ZNF614: variants seen among roughly 807,000 people sequenced by gnomAD.
ZNF614 encodes zinc finger protein 614.
A neutral mutation model predicts 12.8 loss-of-function variants in ZNF614; 11 were observed. That is an observed-to-expected ratio of 0.86 (90% confidence interval 0.54 to 1.43). The LOEUF (loss-of-function observed/expected upper bound fraction) is 1.43, where lower values mean the gene tolerates loss of function less well. ZNF614 is among the 40% of genes most tolerant of loss of function. The probability of loss-of-function intolerance (pLI) is 0.00; values close to 1 mark genes in which losing one functional copy is unlikely to be tolerated. For synonymous variants in ZNF614, 237 were observed against 237.5 expected (o/e 1.00, Z 0.02); for missense variants, 664 against 708.8 (o/e 0.94, Z 0.72).
At chr19:52,025,073 C>T (rs2086962528) in intron 2 of ZNF614, among the ~76,000 whole-genome samples, 1 of 152,154 alleles carries the variant, frequency 6.6e-6, no homozygotes, top group South Asian at 2.1e-4. Flanking sequence ...TGCGCCACTG[C>T]ACTCCAGCCT....
intron 2 of ZNF614, 124 bp from the exon 3 acceptor site, chr19:52,018,618 TG>T: frequency 9.8e-7 from 1 of 1,021,282 alleles, no homozygotes; most frequent in South Asian, 1.9e-5. Flanking sequence ...AAATATACTT[TG>T]GTAGGAGCAA....
rs759732164 is a variant in ZNF614, at chr19:52,015,810, G to A, written c.*30C>T. 12 of 1,556,316 alleles carry A rather than the reference G, an allele frequency of 7.7e-6. No individual in the cohort carries two copies. Among genetic ancestry groups the A allele is most frequent in the African/African-American group, 4.1e-5 (3 of 72,734 alleles). On this transcript the variant is annotated 3_prime_UTR_variant, in exon 5 of 5. Coordinates refer to ENST00000270649, the MANE Select transcript of ZNF614 (RefSeq NM_025040.4). The stretch of plus-strand genomic sequence containing the variant: ...CCACAAAAGGCATTTCCATAGTCAC[G>A]GCACTAGTAGGGTTTTCTTCTGCAT...
At chr19:52,018,567 A>T (rs1056712817) in intron 2 of ZNF614, 73 bp from the exon 3 acceptor site, 16 of 1,459,746 alleles carry the variant, frequency 1.1e-5, no homozygotes, top group Middle Eastern at 2.0e-4. Flanking sequence ...ATAATTTTTT[A>T]AAAATTTTCA....
rs1212678556 is a variant in ZNF614, at chr19:52,016,935, A to G, written c.663T>C (p.Ile221=). 2 of 1,613,780 alleles carry G rather than the reference A, an allele frequency of 1.2e-6. No homozygotes were observed. The highest frequency in any genetic ancestry group is 1.7e-6 in the Non-Finnish European group (2 of 1,180,022). Residue 221 remains isoleucine (I), a synonymous_variant, in exon 5 of 5, where the codon ATT becomes ATC. Coordinates refer to ENST00000270649, the MANE Select transcript of ZNF614 (RefSeq NM_025040.4). ...EQTFLRKSQL[I]YHENICIQEN... ...CTTGTATACAAATGTTCTCATGGTA[A>G]ATGAGCTGAGACTTCCTAAGGAAGG...
At chr19:52,024,432 T>C (rs983044768) in intron 2 of ZNF614, among the ~76,000 whole-genome samples, 4 of 152,070 alleles carry the variant, frequency 2.6e-5, no homozygotes, top group African/African-American at 9.7e-5. Context: ...CTAATAGGTA[T>C]GGAGAATTGA....
rs2086914989 is a variant in ZNF614 at position 52,018,494 on chromosome 19, C to T, written c.16G>A (p.Glu6Lys). 1 of 1,613,954 alleles carries T rather than the reference C, an allele frequency of 6.2e-7. No individual in the cohort carries two copies. Among genetic ancestry groups the T allele is most frequent in the African/African-American group, 1.3e-5 (1 of 75,036 alleles). ...GCCACATCCTCCAGGGTCAGTGATT[C>T]CTGTAATTACAAAGTCCTATTCAAT... The part of the protein sequence containing the change: MIKTQ[E>K]SLTLEDVAVE... The change falls in exon 3 of 5, where the codon GAA (glutamate) becomes AAA (lysine). Residue 6 changes from glutamate to lysine, a missense_variant and splice_region_variant. Glu to Lys is a moderately conservative substitution (Grantham distance 56). Transcript: ENST00000270649.
rs1487856446 is a variant in ZNF614 at position 52,017,127 on chromosome 19, C to G, written c.471G>C (p.Glu157Asp). The G allele has an allele frequency of 1.2e-6, 2 of 1,614,068 alleles. No homozygotes were observed. Among genetic ancestry groups the G allele is most frequent in the Non-Finnish European group, 8.5e-7 (1 of 1,180,026 alleles). Residue 157 changes from glutamate to aspartate, a missense_variant, in exon 5 of 5, where the codon GAG becomes GAC. By Grantham distance (45) the Glu-to-Asp change is conservative. Transcript: ENST00000270649. The stretch of plus-strand genomic sequence containing the variant: ...GAAGTGTTTTCTCACCTCCAATAAA[C>G]TCAACAGGGTTATTTATTCCATGTC... ...KRRHGINNPV[E>D]FIGGEKTLLH...
At chr19:52,018,265 T>C in intron 3 of ZNF614, 103 bp downstream of exon 3, 1 of 1,578,472 alleles carries the variant, frequency 6.3e-7, no homozygotes, top group Non-Finnish European at 8.7e-7. Flanking sequence ...AAAATGTAAC[T>C]CTTCCAAACA....
chr19:52,018,185 G>A, intron 3 of ZNF614, 82 bp from the exon 4 acceptor site: 3 of 1,467,338 alleles, frequency 2.0e-6, no homozygotes, highest in Admixed American at 1.7e-5. Flanking sequence ...ATTCGATGAA[G>A]AAAACAATTT....
At chr19:52,019,531 A>T (rs996132244) in intron 2 of ZNF614, among the ~76,000 whole-genome samples, 4 of 152,206 alleles carry the variant, frequency 2.6e-5, no homozygotes, top group Non-Finnish European at 5.9e-5. Context: ...ACTACCATAC[A>T]TCAAATGCAA....
chr19:52,016,706 T>C lies in ZNF614; in HGVS notation c.892A>G (p.Met298Val). Residue 298 changes from methionine (M) to valine (V), a missense_variant, in exon 5 of 5, where the codon ATG (methionine) becomes GTG (valine). Transcript: ENST00000270649. Reference sequence around the variant, plus strand: ...TGATGAGCAATTAGATAGCGCTTCATTGTAAAGCCCTTTCCACACTCACTG... The same window carrying C: ...TGATGAGCAATTAGATAGCGCTTCACTGTAAAGCCCTTTCCACACTCACTG... ...MCSECGKGFT[M>V]KRYLIAHQRT... 1 of 1,614,174 alleles carries C rather than the reference T, an allele frequency of 6.2e-7. No individual in the cohort carries two copies. Among genetic ancestry groups the C allele is most frequent in the South Asian group, 1.1e-5 (1 of 91,086 alleles).
chr19:52,016,945 G>A lies in ZNF614; in HGVS notation c.653C>T (p.Ser218Phe), dbSNP rs2086902363. The change falls in exon 5 of 5, where the codon TCT becomes TTT. Residue 218 changes from serine to phenylalanine, a missense_variant. Physicochemically the swap from Ser to Phe is radical, Grantham distance 155. Transcript: ENST00000270649. ...AATGTTCTCATGGTAAATGAGCTGA[G>A]ACTTCCTAAGGAAGGTTTGCTCACA... ...IECEQTFLRKSQLIYHENICI... is the reference protein window; with the variant it reads ...IECEQTFLRKFQLIYHENICI... 2.5e-6 allele frequency: 4 copies of A among 1,613,682 alleles called. No individual in the cohort carries two copies. Among genetic ancestry groups the A allele is most frequent in the African/African-American group, 2.7e-5 (2 of 74,626 alleles).
intron 2 of ZNF614, among the ~76,000 whole-genome samples, chr19:52,021,587 C>T (rs1220807502): frequency 6.6e-6 from 1 of 151,780 alleles, no homozygotes; most frequent in African/African-American, 2.4e-5. Context: ...CTACAAAGAA[C>T]AAAAAATTAG....
At chr19:52,017,857 G>C (rs73052087) in intron 4 of ZNF614, 151 bp downstream of exon 4, 59,680 of 580,216 alleles carry the variant, frequency 0.1, 4,070 homozygotes, top group South Asian at 0.23. Flanking sequence ...AGTCTTTAAA[G>C]CTATAACAGC....
chr19:52,015,575 TAATA>T lies in ZNF614; in HGVS notation c.*261_*264del, dbSNP rs1159689405. On this transcript the variant is annotated 3_prime_UTR_variant, in exon 5 of 5. Coordinates refer to ENST00000270649, the MANE Select transcript of ZNF614 (RefSeq NM_025040.4). ...ATTATTGCTCAAAACATCTCCACAT[TAATA>T]TAGTTTATTCAACGTATTTTCATTG... The T allele has an allele frequency of 5.9e-6, 2 of 337,888 alleles. No homozygotes were observed. The highest frequency in any genetic ancestry group is 1.1e-5 in the Non-Finnish European group (2 of 185,058). The allele number at this position is 337,888 out of a possible 1,614,324, so 20.9% of individuals were successfully genotyped here.
At chr19:52,024,679 C>A (rs2086959072) in intron 2 of ZNF614, among the ~76,000 whole-genome samples, 1 of 152,148 alleles carries the variant, frequency 6.6e-6, no homozygotes, top group Non-Finnish European at 1.5e-5. Context: ...TAGGGCTATG[C>A]AGAATGTCCT....
intron 1 of ZNF614, among the ~76,000 whole-genome samples, chr19:52,027,028 AGCGTGGGTCCTCCG>A (rs2086979953): frequency 2.6e-5 from 4 of 152,218 alleles, no homozygotes; most frequent in Admixed American, 2.0e-4. Context: ...GACCAGTGCC[AGCGTGGGTCCTCCG>A]TATGCTGAGT....
chr19:52,028,332 G>A lies in ZNF614; in HGVS notation c.-307C>T, dbSNP rs1251509067. 6.7e-6 allele frequency: 1 copy of A among 149,526 alleles called. No homozygotes were observed. The highest frequency in any genetic ancestry group is 1.5e-5 in the Non-Finnish European group (1 of 67,224). 9.3% of individuals were successfully genotyped at this position (149,526 alleles called of 1,614,324 possible). On this transcript the variant is annotated 5_prime_UTR_variant, in exon 1 of 5. Transcript: ENST00000270649. ...TTCCTATTCAGACGCGCTCCTGCGC[G>A]GACTCCGGGAAGCTGAGCGGTAAAG...
In ZNF614 at chr19:52,018,382, T is replaced by G; in HGVS notation, c.128A>C (p.His43Pro). The change falls in exon 3 of 5, where the codon CAC becomes CCC. Residue 43 changes from histidine (H) to proline (P), a missense_variant. Transcript: ENST00000270649. ...YRDVMVENYN[H>P]LVSLGYQTSK... ...ACTATTCTTACCCAGTGATACTAGG[T>G]GGTTATAGTTCTCCACCATCACATC... 5 of 1,614,030 alleles carry G rather than the reference T, an allele frequency of 3.1e-6. No homozygotes were observed. Among genetic ancestry groups the G allele is most frequent in the Non-Finnish European group, 4.2e-6 (5 of 1,179,994 alleles).
Sources: allele counts gnomAD v4.1 joint callset (sites outside exome capture counted in the v4.1 genomes callset), GRCh38; gene constraint gnomAD v4.1.1; transcripts MANE v1.5; gene names NCBI Gene and HGNC (gene_info 2026-07-23, HGNC 2026-07-21).